MTCL1: variants seen among roughly 807,000 people sequenced by gnomAD.
MTCL1 encodes microtubule crosslinking factor 1, also known as microtubule cross-linking factor 1.
MTCL1 carries 79 observed loss-of-function variants against 141.4 expected under a neutral mutation model. The observed-to-expected ratio is 0.56, with a 90% CI of 0.47 to 0.67. The LOEUF is 0.67. MTCL1 is among the 30% of genes least tolerant of loss of function. The pLI is 0.00. For synonymous variants in MTCL1, 914 were observed against 875.8 expected, an observed-to-expected ratio of 1.04 and a Z score of -0.77; for missense variants, 2,177 against 2,113.9, an observed-to-expected ratio of 1.03 and a Z score of -0.59.
Position 8,739,036 on chromosome 18 carries a change from C to G in MTCL1, c.357+18540C>G, listed in dbSNP as rs77572685. The stretch of plus-strand genomic sequence containing the variant: ...GGAGGGTTGCTTGAGGCCAGAAGTT[C>G]GAGACAAGCTTGGGCAACATAGCAA... On this transcript the variant is annotated intron_variant, in intron 4 of 16. Coordinates refer to ENST00000359865, the Ensembl canonical transcript of MTCL1. Among the ~76,000 whole-genome samples the G allele has an allele frequency of 6.8e-3, 1,036 of 152,120 alleles. 32 individuals carry two copies. Among genetic ancestry groups the G allele is most frequent in the Admixed American group, 0.046 (709 of 15,266 alleles).
chr18:8,808,901 A>G (rs1598756731), intron 11 of MTCL1, among the ~76,000 whole-genome samples: 1 of 152,230 alleles, frequency 6.6e-6, no homozygotes, highest in East Asian at 1.9e-4. Context: ...GCTGTCAGGG[A>G]ACAGGAACGT....
intron 4 of MTCL1, among the ~76,000 whole-genome samples, chr18:8,752,599 T>A (rs1471254367): frequency 6.6e-6 from 1 of 152,236 alleles, no homozygotes; most frequent in Non-Finnish European, 1.5e-5. Flanking sequence ...ACAGAGTATT[T>A]CCAAGGTTCT....
intron 4 of MTCL1, among the ~76,000 whole-genome samples, chr18:8,734,387 G>A (rs2096265987): frequency 6.6e-6 from 1 of 152,140 alleles, no homozygotes; most frequent in African/African-American, 2.4e-5. Flanking sequence ...TAGCACCTTA[G>A]GAAAACTCTC....
chr18:8,778,104 G>T, intron 5 of MTCL1: 1 of 467,680 alleles, frequency 2.1e-6, no homozygotes, highest in Non-Finnish European at 3.8e-6. Context: ...ACGCTGACAA[G>T]CTGGTGATTT....
chr18:8,797,890 A>G (rs2075980528), intron 9 of MTCL1, among the ~76,000 whole-genome samples: 1 of 152,228 alleles, frequency 6.6e-6, no homozygotes, highest in African/African-American at 2.4e-5. Flanking sequence ...AATGTCTTCT[A>G]ATAAGCTGAG....
intron 7 of MTCL1, 23 bp downstream of exon 6, chr18:8,786,114 C>CCA: frequency 2.0e-5 from 28 of 1,387,386 alleles, no homozygotes; most frequent in Admixed American, 1.5e-4. Context: ...AAGCAATCCC[C>CCA]CCCCCCCGCC....
chr18:8,751,483 T>G (rs562554800), intron 4 of MTCL1, among the ~76,000 whole-genome samples: 2 of 152,362 alleles, frequency 1.3e-5, no homozygotes, highest in East Asian at 1.9e-4. Context: ...GGTATTGTTT[T>G]GGGACAAGAT....
Position 8,830,788 on chromosome 18 carries a change from T to G in MTCL1, c.*19-819T>G, listed in dbSNP as rs565593178. 1.5e-4 allele frequency: 150 copies of G among 985,464 alleles called. No homozygotes were observed. Among genetic ancestry groups the G allele is most frequent in the Non-Finnish European group, 1.7e-4 (142 of 829,940 alleles). 61.0% of individuals were successfully genotyped at this position (985,464 alleles called of 1,614,324 possible). On this transcript the variant is annotated intron_variant, in intron 16 of 16. Transcript: ENST00000359865. This position sits in a 1 kb window ranked among gnomAD's most constrained non-coding sequence, Gnocchi z 6.4. ...TCTGTGTATCAGCAAATTCCAAATT[T>G]GGGTGTCCTGGTTTTGTAACATGTA...
rs539596425 is a variant in MTCL1, at chr18:8,755,540, G to A, written c.358-22293G>A. On this transcript the variant is annotated intron_variant, in intron 4 of 16. Transcript: ENST00000359865. Reference sequence around the variant, plus strand: ...TCACACGCTTCTCCTCACTCTCCCTGGGACCAGGTCTGTCCCAGAAAACCT... The same window carrying A: ...TCACACGCTTCTCCTCACTCTCCCTAGGACCAGGTCTGTCCCAGAAAACCT... 2.0e-5 allele frequency among the ~76,000 whole-genome samples: 3 copies of A among 152,200 alleles called. No individual in the cohort carries two copies. The East Asian group carries it at 5.8e-4, about 29-fold the overall frequency.
chr18:8,706,429 C>G (rs2096058574), exon 1 of MTCL1: 4 of 1,227,276 alleles, frequency 3.3e-6, no homozygotes, highest in Non-Finnish European at 4.1e-6. Context: ...CCCCGCAGCC[C>G]GAGGAGCGCC....
rs2077102911 is a variant in MTCL1 at position 8,828,734 on chromosome 18, A to G, written c.4723-174A>G. ...GGCCACTTCCCCACACCTGCCTTGG[A>G]GTGAATGTGCTAGATCTGAGAGCCC... On this transcript the variant is annotated intron_variant, in intron 15 of 16. Coordinates refer to ENST00000359865, the Ensembl canonical transcript of MTCL1. The surrounding 1 kb of genome is among the most constrained non-coding windows in gnomAD (Gnocchi z 5.2). Among the ~76,000 whole-genome samples the G allele has an allele frequency of 6.6e-6, 1 of 152,098 alleles. No individual in the cohort carries two copies. The highest frequency in any genetic ancestry group is 2.4e-5 in the African/African-American group (1 of 41,410).
At chr18:8,770,407 G>A (rs598586) in intron 4 of MTCL1, among the ~76,000 whole-genome samples, 49,558 of 152,114 alleles carry the variant, frequency 0.33, 8,788 homozygotes, top group East Asian at 0.52. Context: ...TCAGAGTCCA[G>A]GGTTGAGTTG....
intron 4 of MTCL1, among the ~76,000 whole-genome samples, chr18:8,731,070 C>T (rs1178868549): frequency 1.3e-5 from 2 of 151,604 alleles, no homozygotes; most frequent in South Asian, 2.1e-4. Flanking sequence ...ACGGTGAAAC[C>T]CCATCTCTAC....
chr18:8,802,346 G>GT (rs1319518660), intron 10 of MTCL1: 1 of 152,222 alleles, frequency 6.6e-6, no homozygotes, highest in Non-Finnish European at 1.5e-5. Context: ...ATAGCAGCAG[G>GT]TCAATATGTC....
intron 7 of MTCL1, chr18:8,787,077 T>C (rs940872898): frequency 2.0e-5 from 3 of 152,836 alleles, no homozygotes; most frequent in Admixed American, 6.5e-5. Flanking sequence ...AGAGCTCTCC[T>C]CCTGGATTCT....
intron 10 of MTCL1, chr18:8,801,847 T>C (rs1185116991): frequency 2.0e-5 from 3 of 152,264 alleles, no homozygotes; most frequent in Non-Finnish European, 4.4e-5. Context: ...GTGGCATTTG[T>C]GGAGACCACA....
intron 6 of MTCL1, chr18:8,785,718 T>A (rs1007364377): frequency 1.0e-5 from 6 of 586,524 alleles, no homozygotes; most frequent in Admixed American, 3.4e-5. Context: ...TTGCTCATCC[T>A]CATCTTGGGT....
intron 12 of MTCL1, among the ~76,000 whole-genome samples, chr18:8,817,862 G>T (rs2076709597): frequency 6.6e-6 from 1 of 152,232 alleles, no homozygotes; most frequent in Admixed American, 6.5e-5. Context: ...GGCGGAAATA[G>T]CTTCAGGTCT....
chr18:8,776,139 C>T (rs1304184035), intron 4 of MTCL1, among the ~76,000 whole-genome samples: 1 of 152,188 alleles, frequency 6.6e-6, no homozygotes, highest in Non-Finnish European at 1.5e-5. Flanking sequence ...CTGAGCAGAC[C>T]TCAGATGAGG....
Sources: allele counts gnomAD v4.1 joint callset (sites outside exome capture counted in the v4.1 genomes callset), GRCh38; gene constraint gnomAD v4.1.1; non-coding constraint Gnocchi (gnomAD v3.1); transcripts MANE v1.5; gene names NCBI Gene and HGNC (gene_info 2026-07-23, HGNC 2026-07-21).